TMEM135: variants seen among roughly 807,000 people sequenced by gnomAD.
The protein encoded by TMEM135 is transmembrane protein 135.
Under a neutral mutation model 60.3 loss-of-function variants are expected in TMEM135, and 30 were observed. That is an observed-to-expected ratio of 0.50 (90% CI 0.37 to 0.68). The LOEUF (loss-of-function observed/expected upper bound fraction) is 0.68. TMEM135 is among the 30% of genes least tolerant of loss of function. The pLI is 0.00. For missense variants in TMEM135, 468 were observed against 548.8 expected (o/e 0.85, Z 1.47); for synonymous variants, 190 against 186.7 (o/e 1.02, Z -0.14).
At chr11:87,298,786 C>CTAAAAAAA (rs1942392064) in intron 7 of TMEM135, among the ~76,000 whole-genome samples, 1 of 57,714 alleles carries the variant, frequency 1.7e-5, no homozygotes, top group Non-Finnish European at 3.0e-5. Flanking sequence ...GACTCTGTCT[C>CTAAAAAAA]AAAAAAAAAA....
chr11:87,250,826 T>A (rs1941401128), intron 6 of TMEM135, among the ~76,000 whole-genome samples: 1 of 152,192 alleles, frequency 6.6e-6, no homozygotes, highest in Non-Finnish European at 1.5e-5. Context: ...ATAATTAGAT[T>A]TTATTGTAAA....
intron 7 of TMEM135, among the ~76,000 whole-genome samples, chr11:87,301,090 G>C (rs942617793): frequency 3.3e-5 from 5 of 152,172 alleles, no homozygotes; most frequent in African/African-American, 1.2e-4. Context: ...ATTCACAGCT[G>C]CCATCTGGTG....
chr11:87,298,786 CAAA>C (rs59740138), intron 7 of TMEM135, among the ~76,000 whole-genome samples: 1 of 57,712 alleles, frequency 1.7e-5, no homozygotes, highest in Admixed American at 2.3e-4. Flanking sequence ...GACTCTGTCT[CAAA>C]AAAAAAAAAA....
rs752767478 is a variant in TMEM135, at chr11:87,327,427, A to G, written c.*6094A>G. 4.4e-6 allele frequency: 2 copies of G among 454,122 alleles called. No homozygotes were observed. Among genetic ancestry groups the G allele is most frequent in the South Asian group, 1.6e-5 (1 of 64,478 alleles). 28.1% of individuals were successfully genotyped at this position (454,122 alleles called of 1,614,324 possible). Reference sequence around the variant, plus strand: ...GAGCCACTGAATGGTGCCATTAACCATCTGCATTTGAGCATTTTGAGAAAA... The same window carrying G: ...GAGCCACTGAATGGTGCCATTAACCGTCTGCATTTGAGCATTTTGAGAAAA... On this transcript the variant is annotated 3_prime_UTR_variant, in exon 15 of 15. Transcript: ENST00000305494.
At chr11:87,098,909 C>T (rs1271134747) in intron 4 of TMEM135, among the ~76,000 whole-genome samples, 2 of 152,068 alleles carry the variant, frequency 1.3e-5, no homozygotes, top group Non-Finnish European at 2.9e-5. Flanking sequence ...AGGATGGTCT[C>T]GATCTCCTGA....
At chr11:87,165,680 A>T (rs913025444) in intron 5 of TMEM135, among the ~76,000 whole-genome samples, 3 of 151,506 alleles carry the variant, frequency 2.0e-5, no homozygotes, top group African/African-American at 7.3e-5. Flanking sequence ...TGGACTCTTT[A>T]CTAGAAAAGC....
At chr11:87,202,902 T>G (rs1363879658) in intron 5 of TMEM135, among the ~76,000 whole-genome samples, 1 of 150,986 alleles carries the variant, frequency 6.6e-6, no homozygotes, top group Non-Finnish European at 1.5e-5. Context: ...GCGTGGTGGC[T>G]GGCGCCTGTA....
chr11:87,059,365 C>T (rs1305350455), intron 1 of TMEM135, among the ~76,000 whole-genome samples: 2 of 147,588 alleles, frequency 1.4e-5, no homozygotes, highest in African/African-American at 2.5e-5. Flanking sequence ...AGTGCAATGG[C>T]GTGATCTCGG....
chr11:87,325,801 A>G lies in TMEM135; in HGVS notation c.*4468A>G. 2.2e-6 allele frequency: 1 copy of G among 453,964 alleles called. No individual in the cohort carries two copies. The highest frequency in any genetic ancestry group is 4.4e-6 in the Non-Finnish European group (1 of 226,760). 28.1% of individuals were successfully genotyped at this position (453,964 alleles called of 1,614,324 possible). On this transcript the variant is annotated 3_prime_UTR_variant, in exon 15 of 15. Transcript: ENST00000305494. ...GTTTCTCTGTATGTGAAGCCTTTAA[A>G]TCCAGAACAATTAATTTCTTCTCTT...
At chr11:87,141,950 A>AGG (rs1358026351) in intron 4 of TMEM135, among the ~76,000 whole-genome samples, 1 of 152,212 alleles carries the variant, frequency 6.6e-6, no homozygotes, top group Non-Finnish European at 1.5e-5. Context: ...AATTACTAAA[A>AGG]GGGGTACAAG....
Position 87,048,016 on chromosome 11 carries a change from TG to T in TMEM135, c.141+9831del, listed in dbSNP as rs1332610373. On this transcript the variant is annotated intron_variant, in intron 1 of 14. Coordinates refer to ENST00000305494, the MANE Select transcript of TMEM135 (RefSeq NM_022918.4). The stretch of plus-strand genomic sequence containing the variant: ...AAGTGGGTCCCTGACCCCTGACCCC[TG>T]AGCAGCCTAACTGGGAGGCACCCCC... 5.5e-5 allele frequency among the ~76,000 whole-genome samples: 3 copies of T among 54,282 alleles called. 1 individual carries two copies. The highest frequency in any genetic ancestry group is 9.1e-5 in the Non-Finnish European group (3 of 33,104). The allele number at this position is 54,282 out of a possible 152,430, so 35.6% of individuals were successfully genotyped here.
intron 6 of TMEM135, among the ~76,000 whole-genome samples, chr11:87,249,217 A>G (rs949551256): frequency 2.0e-5 from 3 of 152,120 alleles, no homozygotes; most frequent in Non-Finnish European, 4.4e-5. Context: ...CTATGATACT[A>G]TCTGTGGGTC....
intron 4 of TMEM135, among the ~76,000 whole-genome samples, chr11:87,145,964 T>C (rs529506821): frequency 2.0e-5 from 3 of 152,318 alleles, no homozygotes; most frequent in Admixed American, 6.5e-5. Flanking sequence ...TTGTTTTTGT[T>C]GCCTGCACCT....
chr11:87,174,291 C>T (rs1026854476), intron 5 of TMEM135, among the ~76,000 whole-genome samples: 20 of 152,072 alleles, frequency 1.3e-4, no homozygotes, highest in African/African-American at 1.9e-4. Flanking sequence ...TTACACATGT[C>T]TATTGCCATT....
intron 1 of TMEM135, 36 bp from the exon 2 acceptor site, chr11:87,067,658 T>C (rs1432261936): frequency 6.2e-7 from 1 of 1,611,848 alleles, no homozygotes; most frequent in Non-Finnish European, 8.5e-7. Context: ...TGGGAAATGT[T>C]GGTTGGATTA....
At chr11:87,087,662 T>C (rs2513219) in intron 3 of TMEM135, among the ~76,000 whole-genome samples, 104,137 of 152,116 alleles carry the variant, frequency 0.68, 37,188 homozygotes, top group East Asian at 0.88. Context: ...GCATCAAGTG[T>C]ACCAAGAATA....
intron 5 of TMEM135, among the ~76,000 whole-genome samples, chr11:87,163,691 C>T (rs1363921958): frequency 2.9e-4 from 43 of 150,548 alleles, no homozygotes; most frequent in African/African-American, 9.5e-4. Context: ...ACATCCTCTC[C>T]AGCACCTGTT....
intron 6 of TMEM135, among the ~76,000 whole-genome samples, chr11:87,268,084 G>T (rs1279703205): frequency 6.6e-6 from 1 of 151,744 alleles, no homozygotes; most frequent in East Asian, 1.9e-4. Context: ...TTTCAGGGGA[G>T]ATTAAGTACC....
chr11:87,214,647 T>C (rs1341011387), intron 5 of TMEM135, among the ~76,000 whole-genome samples: 1 of 152,106 alleles, frequency 6.6e-6, no homozygotes, highest in Non-Finnish European at 1.5e-5. Context: ...CAGTGTTTGC[T>C]TAGTTAAGTG....
Sources: gnomAD v4.1 joint callset for allele counts (sites outside exome capture counted in the v4.1 genomes callset) on GRCh38, gnomAD v4.1.1 for gene constraint, MANE v1.5 for transcripts, NCBI Gene and HGNC (gene_info 2026-07-23, HGNC 2026-07-21) for gene names.